The following FBXL16 variants were observed in gnomAD, a reference collection of about 807,000 sequenced individuals.
FBXL16 encodes F-box and leucine rich repeat protein 16, also known as F-box/LRR-repeat protein 16.
A neutral mutation model predicts 36.7 loss-of-function variants in FBXL16; 7 were observed. That is an observed-to-expected ratio of 0.19 (90% CI 0.11 to 0.36). The LOEUF is 0.36. Ranked by LOEUF, FBXL16 falls within the 10% of genes least tolerant of loss-of-function variation. FBXL16 has a pLI of 1.00. For missense variants in FBXL16, 463 were observed against 659.4 expected (o/e 0.70, Z 3.26); for synonymous variants, 355 against 308.7 (o/e 1.15, Z -1.57).
intron 1 of FBXL16, among the ~76,000 whole-genome samples, chr16:699,068 C>T (rs561130916): frequency 1.3e-5 from 2 of 152,336 alleles, no homozygotes; most frequent in South Asian, 4.1e-4. Flanking sequence ...CTTTAATCTT[C>T]TGCCCAATGA....
chr16:696,122 A>C (rs2040009395), intron 2 of FBXL16, 199 bp from the exon 3 acceptor site: 7 of 681,398 alleles, frequency 1.0e-5, no homozygotes, highest in East Asian at 3.0e-5. Flanking sequence ...TTACAATTAG[A>C]CTCCAGACCC....
In FBXL16 at chr16:705,659, C is replaced by T. The variant is rs546201366; in HGVS notation, c.-162G>A. The T allele has an allele frequency of 6.7e-6, 1 of 148,698 alleles. No homozygotes were observed. Among genetic ancestry groups the T allele is most frequent in the Non-Finnish European group, 1.5e-5 (1 of 66,632 alleles). The allele number at this position is 148,698 out of a possible 1,614,324, so 9.2% of individuals were successfully genotyped here. ...CCGCGCCCTGCGCCCCGCGTCCCGT[C>T]CTGGCCGGGCCCCCTCGGCAGCGCA... is the stretch of plus-strand genomic sequence containing the variant. On this transcript the variant is annotated 5_prime_UTR_variant, in exon 1 of 6. Coordinates refer to ENST00000397621, the MANE Select transcript of FBXL16 (RefSeq NM_153350.4).
rs113497984 is a variant in FBXL16, at chr16:695,932, G to A, written c.634-9C>T. 196 of 1,568,306 alleles carry A rather than the reference G, an allele frequency of 1.2e-4. No individual in the cohort carries two copies. The African/African-American group carries it at 2.4e-3, about 19-fold the overall frequency. The stretch of plus-strand genomic sequence containing the variant: ...ATCTGTTCAAGCATAACCTGCAGGC[G>A]GGCGGGCGCCGGGTCAGGATTGCAG... On this transcript the variant is annotated splice_polypyrimidine_tract_variant and intron_variant, in intron 2 of 5. Coordinates refer to ENST00000397621, the MANE Select transcript of FBXL16 (RefSeq NM_153350.4).
intron 1 of FBXL16, among the ~76,000 whole-genome samples, chr16:702,130 G>A (rs2151522576): frequency 6.6e-6 from 1 of 152,278 alleles, no homozygotes; most frequent in East Asian, 1.9e-4. Flanking sequence ...CCATGTGGGG[G>A]CCCCGCAGGA....
At position 695,707 on chromosome 16, in the gene FBXL16, C is replaced by A. The variant is rs1197310493; in HGVS notation, c.850G>T (p.Ala284Ser). ...SLQAYHVTDTALAYFTARQGH... is the reference protein window; with the variant it reads ...SLQAYHVTDTSLAYFTARQGH... ...TGGCGCGCCGTGAAGTAGGCCAGCG[C>A]CGTGTCCGTCACGTGGTAGGCCTGC... The change falls in exon 3 of 6, where the codon GCG becomes TCG. Residue 284 changes from alanine to serine, a missense_variant. This residue lies in a region of FBXL16 where 66 missense variants were observed against 146.3 expected (regional missense o/e 0.45). Transcript: ENST00000397621. The A allele has an allele frequency of 6.2e-7, 1 of 1,604,482 alleles. No homozygotes were observed. The highest frequency in any genetic ancestry group is 8.5e-7 in the Non-Finnish European group (1 of 1,179,050).
intron 1 of FBXL16, among the ~76,000 whole-genome samples, chr16:699,994 A>G (rs942631961): frequency 3.9e-5 from 6 of 152,014 alleles, no homozygotes; most frequent in South Asian, 2.1e-4. Flanking sequence ...CGGCACTGCA[A>G]CCCCAAGGCC....
At chr16:704,571 C>T (rs1480592821) in intron 1 of FBXL16, among the ~76,000 whole-genome samples, 4 of 152,252 alleles carry the variant, frequency 2.6e-5, no homozygotes, top group African/African-American at 4.8e-5. Flanking sequence ...ACCCTTCAGT[C>T]TCCTGGCCTG....
At chr16:701,178 C>T in intron 1 of FBXL16, among the ~76,000 whole-genome samples, 1 of 152,200 alleles carries the variant, frequency 6.6e-6, no homozygotes, top group East Asian at 1.9e-4. Flanking sequence ...AGAAACCAAG[C>T]CGCACTTTGA....
At chr16:704,367 G>A (rs1440368092) in intron 1 of FBXL16, among the ~76,000 whole-genome samples, 1 of 152,214 alleles carries the variant, frequency 6.6e-6, no homozygotes, top group African/African-American at 2.4e-5. Context: ...TCTGGCCCCA[G>A]ATGAGGGGCA....
chr16:701,957 G>T (rs1309067456), intron 1 of FBXL16, among the ~76,000 whole-genome samples: 1 of 152,178 alleles, frequency 6.6e-6, no homozygotes, highest in Admixed American at 6.5e-5. Flanking sequence ...AGCCTGGCCT[G>T]GGAGCTGCTG....
chr16:696,984 A>G lies in FBXL16; in HGVS notation c.422T>C (p.Leu141Pro). 6.3e-7 allele frequency: 1 copy of G among 1,595,658 alleles called. No homozygotes were observed. Among genetic ancestry groups the G allele is most frequent in the Non-Finnish European group, 8.5e-7 (1 of 1,172,150 alleles). ...CACGTTGTAGAGCTCCTTGGCATGCAGCACCGGCGTGAGGCCTGCCCAGAA... is the reference window on the plus strand; with the variant it reads ...CACGTTGTAGAGCTCCTTGGCATGCGGCACCGGCGTGAGGCCTGCCCAGAA... ...PKFWAGLTPV[L>P]HAKELYNVLP... is the part of the protein sequence containing the mutation. Residue 141 changes from leucine (L) to proline (P), a missense_variant, in exon 2 of 6, where the codon CTG becomes CCG. By Grantham distance (98) the Leu-to-Pro change is moderately conservative (BLOSUM62 -3). This residue lies in a region of FBXL16 where 263 missense variants were observed against 341.1 expected (regional missense o/e 0.77). Coordinates refer to ENST00000397621, the MANE Select transcript of FBXL16 (RefSeq NM_153350.4).
chr16:700,681 G>T (rs1414814970), intron 1 of FBXL16, among the ~76,000 whole-genome samples: 6 of 152,106 alleles, frequency 3.9e-5, no homozygotes, highest in African/African-American at 1.4e-4. Flanking sequence ...TATCCTCCGT[G>T]CCCCTAGAGC....
intron 1 of FBXL16, among the ~76,000 whole-genome samples, chr16:703,805 G>A (rs968705279): frequency 3.3e-5 from 5 of 152,230 alleles, no homozygotes; most frequent in African/African-American, 1.2e-4. Context: ...GGGCAGCTCA[G>A]CCTTGAAAGC....
chr16:694,817 G>T lies in FBXL16; in HGVS notation c.1228-120C>A. ...GGGTTCCTCCGTCCCCCCCGGAGCC[G>T]GGAGGCGGCTGGGAAGTGCTCGTGG... On this transcript the variant is annotated intron_variant, in intron 4 of 5. Transcript: ENST00000397621. 4 of 1,318,684 alleles carry T rather than the reference G, an allele frequency of 3.0e-6. No individual in the cohort carries two copies. In the South Asian group the frequency reaches 3.9e-5, roughly 13 times the overall value. 81.7% of individuals were successfully genotyped at this position (1,318,684 alleles called of 1,614,324 possible).
intron 1 of FBXL16, among the ~76,000 whole-genome samples, chr16:703,364 C>T (rs1400969677): frequency 1.3e-5 from 2 of 152,116 alleles, no homozygotes; most frequent in African/African-American, 4.8e-5. Context: ...CTCTGGTGCC[C>T]CCATCTCTGT....
In FBXL16 at chr16:694,295, G is replaced by C. The variant is rs768139454; in HGVS notation, c.1420C>G (p.Arg474Gly). 17 of 1,438,112 alleles carry C rather than the reference G, an allele frequency of 1.2e-5. No homozygotes were observed. The highest frequency in any genetic ancestry group is 1.5e-5 in the Non-Finnish European group (16 of 1,094,190). The allele number at this position is 1,438,112 out of a possible 1,614,324, so 89.1% of individuals were successfully genotyped here. ...TCGCGCTACTCAATGACGAGGCAGC[G>C]GGGCAGGTGCTGCGAGAAATACTTG... ...LFKYFSQHLP[R>G]CLVIE The change falls in exon 6 of 6, where the codon CGC becomes GGC. Residue 474 changes from arginine (R) to glycine (G), a missense_variant. By Grantham distance (125) the Arg-to-Gly change is moderately radical. Transcript: ENST00000397621.
intron 1 of FBXL16, among the ~76,000 whole-genome samples, chr16:698,062 C>T (rs1391421157): frequency 6.6e-6 from 1 of 151,982 alleles, no homozygotes; most frequent in Non-Finnish European, 1.5e-5. Flanking sequence ...AGTGCAGAGA[C>T]AGGATCTTGG....
rs1464605944 is a variant in FBXL16 at position 697,923 on chromosome 16, C to A, written c.-14-504G>T. ...GCTGCAGCAGGAGAATGACGTGAAC[C>A]CGGGAGGCGGAGCTTGCAGTGAGCC... is the stretch of plus-strand genomic sequence containing the variant. On this transcript the variant is annotated intron_variant, in intron 1 of 5. Transcript: ENST00000397621. The surrounding 1 kb of genome is among the most constrained non-coding windows in gnomAD (Gnocchi z 4.6). Among the ~76,000 whole-genome samples the A allele has an allele frequency of 6.6e-6, 1 of 151,978 alleles. No homozygotes were observed. Among genetic ancestry groups the A allele is most frequent in the East Asian group, 1.9e-4 (1 of 5,156 alleles).
Position 697,037 on chromosome 16 carries a change from G to A in FBXL16, c.369C>T (p.Ala123=). The part of the protein sequence containing the change: ...EKCVLAQVCK[A]WRRVLYQPKF... ...TGGGCTGGTACAGCACGCGCCGCCA[G>A]GCCTTGCACACCTGGGCCAGCACAC... Residue 123 remains alanine, a synonymous_variant, in exon 2 of 6, where the codon GCC becomes GCT. Transcript: ENST00000397621. This position sits in a 1 kb window ranked among gnomAD's most constrained non-coding sequence, Gnocchi z 4.6. 6.3e-7 allele frequency: 1 copy of A among 1,598,824 alleles called. No individual in the cohort carries two copies. The highest frequency in any genetic ancestry group is 1.7e-4 in the Middle Eastern group (1 of 6,012).
Sources: gnomAD v4.1 joint callset for allele counts (sites outside exome capture counted in the v4.1 genomes callset) on GRCh38, gnomAD v4.1.1 for gene constraint, gnomAD v4.1.1 regional missense constraint, Gnocchi (gnomAD v3.1) non-coding constraint, MANE v1.5 for transcripts, NCBI Gene and HGNC (gene_info 2026-07-23, HGNC 2026-07-21) for gene names.